The following SLCO1B3 variants were observed in gnomAD, a reference collection of about 807,000 sequenced individuals.
SLCO1B3 encodes solute carrier organic anion transporter family member 1B3, also known as liver-specific organic anion transporter 2.
A neutral mutation model predicts 71.8 loss-of-function variants in SLCO1B3; 72 were observed. The observed-to-expected ratio is 1.00, with a 90% CI of 0.83 to 1.22. The LOEUF (loss-of-function observed/expected upper bound fraction) is 1.22. Among genes scored for constraint, SLCO1B3 ranks in the 50% most tolerant of loss-of-function variants. SLCO1B3 has a pLI of 0.00. For synonymous variants in SLCO1B3, 298 were observed against 278.4 expected (o/e 1.07, Z -0.70); for missense variants, 911 against 819.7 (o/e 1.11, Z -1.36).
At chr12:20,883,024 T>G (rs187822275) in intron 12 of SLCO1B3, among the ~76,000 whole-genome samples, 1 of 152,180 alleles carries the variant, frequency 6.6e-6, no homozygotes, top group African/African-American at 2.4e-5. Flanking sequence ...CTCTGCACTC[T>G]GTCCCATTTT....
chr12:20,830,473 G>A (rs184306027), intron 3 of SLCO1B3, among the ~76,000 whole-genome samples: 1 of 152,162 alleles, frequency 6.6e-6, no homozygotes, highest in African/African-American at 2.4e-5. Flanking sequence ...TAGGTAAATA[G>A]TCAAGTATGT....
intron 10 of SLCO1B3, among the ~76,000 whole-genome samples, 157 bp downstream of exon 10, chr12:20,878,093 T>G (rs1259459572): frequency 6.6e-6 from 1 of 151,936 alleles, no homozygotes; most frequent in Non-Finnish European, 1.5e-5. Context: ...TGTAATATCA[T>G]CGTTGTTCTG....
chr12:20,861,101 A>G lies in SLCO1B3; in HGVS notation c.444A>G (p.Leu148=). 3.1e-6 allele frequency: 5 copies of G among 1,599,976 alleles called. No homozygotes were observed. The highest frequency in any genetic ancestry group is 4.3e-6 in the Non-Finnish European group (5 of 1,171,984). The change falls in exon 6 of 16, where the codon TTA becomes TTG. Residue 148 remains leucine, a synonymous_variant. Coordinates refer to ENST00000381545, the MANE Select transcript of SLCO1B3 (RefSeq NM_019844.4). ...SLSTCLINQT[L]SFNGTSPEIV... is the part of the protein sequence containing the mutation. ...CAACCTGTTTAATTAATCAAACCTT[A>G]TCATTCAATGGAACATCACCTGAGA...
At chr12:20,832,011 C>T (rs1864552048) in intron 3 of SLCO1B3, among the ~76,000 whole-genome samples, 2 of 152,176 alleles carry the variant, frequency 1.3e-5, no homozygotes, top group South Asian at 4.1e-4. Context: ...CTAGTTCTCC[C>T]AGCTCGTGAA....
At chr12:20,852,111 T>G (rs147205305) in intron 3 of SLCO1B3, among the ~76,000 whole-genome samples, 43 of 152,336 alleles carry the variant, frequency 2.8e-4, no homozygotes, top group Non-Finnish European at 5.9e-4. Flanking sequence ...GTGTTATTCT[T>G]CAAGATTATT....
chr12:20,868,453 CTT>C (rs1865413660), intron 8 of SLCO1B3, among the ~76,000 whole-genome samples: 1 of 152,020 alleles, frequency 6.6e-6, no homozygotes, highest in Non-Finnish European at 1.5e-5. Flanking sequence ...ATAAATGAAA[CTT>C]TTTATACCCA....
chr12:20,895,997 C>T (rs183446459), intron 13 of SLCO1B3, among the ~76,000 whole-genome samples: 1 of 152,200 alleles, frequency 6.6e-6, no homozygotes, highest in Non-Finnish European at 1.5e-5. Flanking sequence ...GAAGGCACAG[C>T]CCAAGCTCTA....
At chr12:20,856,022 T>C (rs1444191814) in intron 4 of SLCO1B3, among the ~76,000 whole-genome samples, 2 of 152,170 alleles carry the variant, frequency 1.3e-5, no homozygotes, top group Non-Finnish European at 2.9e-5. Context: ...GATTTATCTC[T>C]TTATATAAAT....
intron 3 of SLCO1B3, among the ~76,000 whole-genome samples, chr12:20,833,727 A>C (rs542606019): frequency 8.9e-6 from 1 of 111,766 alleles, no homozygotes. Context: ...ACATATATTT[A>C]CATATGTAAT....
chr12:20,901,206 C>A, intron 14 of SLCO1B3, 144 bp from the exon 15 acceptor site: 1 of 600,870 alleles, frequency 1.7e-6, no homozygotes, highest in Non-Finnish European at 2.9e-6. Flanking sequence ...AATTTTGATT[C>A]CTGGGTGGAT....
intron 8 of SLCO1B3, among the ~76,000 whole-genome samples, chr12:20,865,533 C>T (rs7138316): frequency 0.72 from 109,963 of 151,738 alleles, 42,417 homozygotes; most frequent in South Asian, 0.9. Flanking sequence ...ACTCTACCTC[C>T]CAAAAATACA....
chr12:20,874,980 A>G (rs1865547341), intron 8 of SLCO1B3, among the ~76,000 whole-genome samples: 1 of 152,218 alleles, frequency 6.6e-6, no homozygotes, highest in African/African-American at 2.4e-5. Context: ...CTGAAAAGCC[A>G]CCAAGTGCAC....
rs556554711 is a variant in SLCO1B3 at position 20,817,186 on chromosome 12, G to A, written c.84+1364G>A. On this transcript the variant is annotated intron_variant, in intron 3 of 15. Transcript: ENST00000381545. ...CTTTGTTGATTGTATCCTTTTCTAT[G>A]CAGAAACATTTTAACTAGATGTGAT... Among the ~76,000 whole-genome samples, 5 of 152,200 alleles carry A rather than the reference G, an allele frequency of 3.3e-5. No homozygotes were observed. In the South Asian group the frequency reaches 8.3e-4, roughly 25 times the overall value.
intron 8 of SLCO1B3, among the ~76,000 whole-genome samples, chr12:20,872,348 G>A (rs1299335245): frequency 1.3e-5 from 2 of 150,856 alleles, no homozygotes; most frequent in Non-Finnish European, 3.0e-5. Flanking sequence ...TCTGGCCCAG[G>A]GCAGGTCTAG....
intron 3 of SLCO1B3, 82 bp from the exon 4 acceptor site, chr12:20,854,946 A>G: frequency 1.5e-6 from 2 of 1,298,412 alleles, no homozygotes; most frequent in African/African-American, 1.5e-5. Flanking sequence ...AAAGAAGAAA[A>G]ACTGTTTTAG....
rs189288249 is a variant in SLCO1B3 at position 20,820,441 on chromosome 12, G to A, written c.84+4619G>A. On this transcript the variant is annotated intron_variant, in intron 3 of 15. Transcript: ENST00000381545. ...TGGGCTGCGGGCATTACTTGGCCTG[G>A]TGGTCAGATTTCTGGCACTTGTAGC... Among the ~76,000 whole-genome samples the A allele has an allele frequency of 3.6e-4, 55 of 152,274 alleles. No homozygotes were observed. In the East Asian group the frequency reaches 0.01, roughly 28 times the overall value.
intron 11 of SLCO1B3, 116 bp from the exon 12 acceptor site, chr12:20,880,739 C>T (rs1865673736): frequency 2.5e-5 from 15 of 596,948 alleles, no homozygotes; most frequent in Non-Finnish European, 2.7e-6. Flanking sequence ...CTTCTCTTTT[C>T]CTCTTCTCTT....
chr12:20,882,575 T>G (rs1001558587), intron 12 of SLCO1B3, among the ~76,000 whole-genome samples: 1 of 151,980 alleles, frequency 6.6e-6, no homozygotes, highest in Non-Finnish European at 1.5e-5. Flanking sequence ...GGCTAATTTT[T>G]TTTTATCTTT....
rs189677668 is a variant in SLCO1B3 at position 20,823,690 on chromosome 12, C to T, written c.84+7868C>T. On this transcript the variant is annotated intron_variant, in intron 3 of 15. Transcript: ENST00000381545. ...TTTGCACTACGAATGTAAGATTAGA[C>T]GTTTGTGAATGCCTGAAGCCTAGCC... 9.2e-5 allele frequency among the ~76,000 whole-genome samples: 14 copies of T among 152,250 alleles called. No homozygotes were observed. In the East Asian group the frequency reaches 1.7e-3, roughly 19 times the overall value.
Sources: gnomAD v4.1 joint callset for allele counts (sites outside exome capture counted in the v4.1 genomes callset) on GRCh38, gnomAD v4.1.1 for gene constraint, MANE v1.5 for transcripts, NCBI Gene and HGNC (gene_info 2026-07-23, HGNC 2026-07-21) for gene names.